Variants in TPD52L2 observed in about 807,000 individuals in gnomAD.
TPD52L2 encodes the protein tumor protein D54.
TPD52L2 carries 19 observed loss-of-function variants against 24.7 expected under a neutral mutation model. That is an observed-to-expected ratio of 0.77 (90% confidence interval 0.54 to 1.13). The LOEUF is 1.13. Among genes scored for constraint, TPD52L2 ranks in the 50% most tolerant of loss-of-function variants. TPD52L2 has a pLI of 0.00. For synonymous variants in TPD52L2, 104 were observed against 100.2 expected (o/e 1.04, Z -0.23); for missense variants, 236 against 250.4 (o/e 0.94, Z 0.39).
At chr20:63,883,367 G>A (rs994976589) in intron 5 of TPD52L2, among the ~76,000 whole-genome samples, 1 of 152,178 alleles carries the variant, frequency 6.6e-6, no homozygotes, top group Non-Finnish European at 1.5e-5. Context: ...GGGGGCCGGC[G>A]CTTTGTGGCT....
intron 1 of TPD52L2, among the ~76,000 whole-genome samples, chr20:63,867,284 G>A (rs1415788257): frequency 6.6e-6 from 1 of 152,198 alleles, no homozygotes; most frequent in African/African-American, 2.4e-5. Flanking sequence ...AGAACAGAAA[G>A]GCTGGGCTCG....
chr20:63,876,861 G>C (rs1261500883), intron 4 of TPD52L2: 1 of 455,424 alleles, frequency 2.2e-6, no homozygotes, highest in Admixed American at 2.4e-5. Context: ...ACAGCAGCCA[G>C]CTGTACATCT....
intron 5 of TPD52L2, chr20:63,887,169 TAG>T (rs1182343564): frequency 7.1e-5 from 24 of 336,460 alleles, no homozygotes; most frequent in Admixed American, 1.8e-4. Context: ...CCGGGAGGTC[TAG>T]AGCCAGGCCC....
intron 5 of TPD52L2, among the ~76,000 whole-genome samples, chr20:63,885,673 C>G (rs1283717950): frequency 6.6e-6 from 1 of 152,180 alleles, no homozygotes; most frequent in Non-Finnish European, 1.5e-5. Flanking sequence ...TGGTTGTGCT[C>G]CAGGTGCTGT....
chr20:63,876,347 G>A (rs2052676208), intron 4 of TPD52L2, among the ~76,000 whole-genome samples: 1 of 152,200 alleles, frequency 6.6e-6, no homozygotes, highest in African/African-American at 2.4e-5. Context: ...AGGGCATGGT[G>A]TAGGATATGC....
rs972150796 is a variant in TPD52L2 at position 63,865,329 on chromosome 20, A to T, written c.-37A>T. 6.6e-7 allele frequency: 1 copy of T among 1,519,342 alleles called. No homozygotes were observed. Among genetic ancestry groups the T allele is most frequent in the Non-Finnish European group, 8.8e-7 (1 of 1,139,652 alleles). The allele number at this position is 1,519,342 out of a possible 1,614,324, so 94.1% of individuals were successfully genotyped here. A position where few individuals can be genotyped will look rare whatever the true frequency, so the allele number is the denominator to read the frequency against. On this transcript the variant is annotated 5_prime_UTR_variant, in exon 1 of 7. Transcript: ENST00000346249. ...TCCCGGCGCCGCCCGCTCGGCTCCCATAGCGCCCGCGACAGCGGTCCGGAC... is the reference window on the plus strand; with the variant it reads ...TCCCGGCGCCGCCCGCTCGGCTCCCTTAGCGCCCGCGACAGCGGTCCGGAC...
At chr20:63,866,115 TA>T in intron 1 of TPD52L2, among the ~76,000 whole-genome samples, 1 of 152,304 alleles carries the variant, frequency 6.6e-6, no homozygotes, top group South Asian at 2.1e-4. Context: ...TTTCTTTCTT[TA>T]TTTTTTTGAG....
rs553384526 is a variant in TPD52L2, at chr20:63,882,584, C to T, written c.375-135C>T. On this transcript the variant is annotated intron_variant, in intron 4 of 6. Transcript: ENST00000346249. ...TGGGCCTGCACCCCCTCTGTAGACA[C>T]CTGGCGAGTGTCCACCCCTTGGCCC... 358 of 721,422 alleles carry T rather than the reference C, an allele frequency of 5.0e-4. 2 individuals carry two copies. The African/African-American group carries it at 5.3e-3, about 11-fold the overall frequency. 44.7% of individuals were successfully genotyped at this position (721,422 alleles called of 1,614,324 possible).
intron 1 of TPD52L2, among the ~76,000 whole-genome samples, chr20:63,868,094 G>T (rs1458613268): frequency 6.7e-6 from 1 of 149,854 alleles, no homozygotes; most frequent in Non-Finnish European, 1.5e-5. Context: ...TGTATTTTTA[G>T]TAGAGACGGG....
rs1389504447 is a variant in TPD52L2, at chr20:63,877,960, ACGGCCGAGGC to A, written c.374+2088_374+2097del. ...GCCGAGGGCGATGGTTTCTGCCGGG[ACGGCCGAGGC>A]CGAGGGCGGTGGTTTCTGCCGGGAC... On this transcript the variant is annotated intron_variant, in intron 4 of 6. Transcript: ENST00000346249. This position sits in a 1 kb window ranked among gnomAD's most constrained non-coding sequence, Gnocchi z 4.1. Among the ~76,000 whole-genome samples, 1 of 152,194 alleles carries A rather than the reference ACGGCCGAGGC, an allele frequency of 6.6e-6. No individual in the cohort carries two copies. The highest frequency in any genetic ancestry group is 1.5e-5 in the Non-Finnish European group (1 of 68,014).
At chr20:63,876,929 CG>C (rs1303242757) in intron 4 of TPD52L2, 1 of 453,620 alleles carries the variant, frequency 2.2e-6, no homozygotes, top group Non-Finnish European at 4.4e-6. Context: ...TCCAGGGACC[CG>C]GGCGGTTTGT....
chr20:63,880,203 C>T (rs111369695), intron 4 of TPD52L2, among the ~76,000 whole-genome samples: 3 of 63,324 alleles, frequency 4.7e-5, no homozygotes, highest in African/African-American at 7.3e-5. Context: ...GGTGCAGCTT[C>T]CCCATCCCCA....
At chr20:63,887,197 T>G in intron 5 of TPD52L2, 1 of 373,446 alleles carries the variant, frequency 2.7e-6, no homozygotes, top group Non-Finnish European at 5.0e-6. Flanking sequence ...AATCTGTGAT[T>G]TCTTGTGTTT....
At chr20:63,873,870 C>A (rs117512776) in intron 3 of TPD52L2, 54 bp downstream of exon 3, 4 of 1,415,204 alleles carry the variant, frequency 2.8e-6, no homozygotes. Context: ...GGGCACCACA[C>A]GTGCCCCGGC....
At chr20:63,871,269 C>T (rs965206142) in intron 2 of TPD52L2, among the ~76,000 whole-genome samples, 1 of 151,918 alleles carries the variant, frequency 6.6e-6, no homozygotes, top group Admixed American at 6.6e-5. Context: ...TCCCGAACTC[C>T]GAGTCTCAAG....
At chr20:63,886,054 C>T in intron 5 of TPD52L2, 1 of 1,613,874 alleles carries the variant, frequency 6.2e-7, no homozygotes. Flanking sequence ...TAAGGCTGAG[C>T]CTGGACACAC....
intron 4 of TPD52L2, among the ~76,000 whole-genome samples, chr20:63,879,453 C>T (rs1026998162): frequency 1.3e-5 from 2 of 152,108 alleles, no homozygotes; most frequent in East Asian, 1.9e-4. Flanking sequence ...CATCTCATTC[C>T]GATCCTCCTT....
At chr20:63,871,004 CTG>C (rs1394456639) in intron 2 of TPD52L2, among the ~76,000 whole-genome samples, 2 of 151,702 alleles carry the variant, frequency 1.3e-5, no homozygotes, top group Non-Finnish European at 2.9e-5. Flanking sequence ...GTGTGAGCCA[CTG>C]TGCCCGGCCC....
intron 4 of TPD52L2, among the ~76,000 whole-genome samples, chr20:63,876,139 C>A (rs2052668410): frequency 6.6e-6 from 1 of 152,208 alleles, no homozygotes; most frequent in South Asian, 2.1e-4. Flanking sequence ...ATGTAAGAGG[C>A]CTGCACTGGT....
Sources: allele counts gnomAD v4.1 joint callset (sites outside exome capture counted in the v4.1 genomes callset), GRCh38; gene constraint gnomAD v4.1.1; non-coding constraint Gnocchi (gnomAD v3.1); transcripts MANE v1.5; gene names NCBI Gene and HGNC (gene_info 2026-07-23, HGNC 2026-07-21).